Variants in MTHFD2L observed in about 807,000 individuals in gnomAD.
The protein encoded by MTHFD2L is methylenetetrahydrofolate dehydrogenase (NADP+ dependent) 2 like, also known as bifunctional methylenetetrahydrofolate dehydrogenase/cyclohydrolase 2, mitochondrial.
In MTHFD2L, 29 loss-of-function variants were observed where a neutral mutation model predicts 34.9. That is an observed-to-expected ratio of 0.83 (90% CI 0.62 to 1.13). MTHFD2L has a LOEUF of 1.13. MTHFD2L is among the 50% of genes most tolerant of loss of function. The probability of loss-of-function intolerance (pLI) is 0.00; values close to 1 mark genes in which losing one functional copy is unlikely to be tolerated. For missense variants in MTHFD2L, 481 were observed against 446.5 expected (o/e 1.08, Z -0.70); for synonymous variants, 167 against 155.7 (o/e 1.07, Z -0.54).
intron 1 of MTHFD2L, among the ~76,000 whole-genome samples, chr4:74,165,573 G>GTC (rs1166002346): frequency 6.6e-6 from 1 of 152,088 alleles, no homozygotes; most frequent in Non-Finnish European, 1.5e-5. Flanking sequence ...GGTCAGGCTG[G>GTC]TCTTGAACTC....
chr4:74,293,467 T>G, intron 7 of MTHFD2L: 1 of 938,232 alleles, frequency 1.1e-6, no homozygotes, highest in Non-Finnish European at 1.3e-6. Context: ...AATAATCCTC[T>G]CTATTTCATT....
intron 5 of MTHFD2L, among the ~76,000 whole-genome samples, chr4:74,206,658 T>C (rs1468813532): frequency 6.6e-6 from 1 of 152,140 alleles, no homozygotes; most frequent in African/African-American, 2.4e-5. Context: ...TTTTTTTTTT[T>C]ACTTATTTGT....
intron 1 of MTHFD2L, chr4:74,161,966 A>C (rs1725553143): frequency 6.6e-6 from 1 of 152,238 alleles, no homozygotes; most frequent in South Asian, 2.1e-4. Context: ...TGAGTATGCT[A>C]AATTAAAGAA....
intron 1 of MTHFD2L, 147 bp from the exon 2 acceptor site, chr4:74,174,359 A>G (rs566768077): frequency 2.2e-6 from 1 of 449,298 alleles, no homozygotes; most frequent in Admixed American, 4.3e-5. Context: ...TATGAACCTG[A>G]AGAGTAGGTG....
At chr4:74,202,954 T>C (rs531577460) in intron 5 of MTHFD2L, among the ~76,000 whole-genome samples, 103 of 152,128 alleles carry the variant, frequency 6.8e-4, no homozygotes, top group Non-Finnish European at 1.2e-3. Flanking sequence ...AGTTTCCTGA[T>C]CTCAAACTTT....
At chr4:74,151,094 C>T (rs555456159) in intron 1 of MTHFD2L, among the ~76,000 whole-genome samples, 4 of 152,012 alleles carry the variant, frequency 2.6e-5, no homozygotes, top group Admixed American at 2.0e-4. Context: ...TATATATTGA[C>T]ATGTATATAG....
At chr4:74,245,977 C>A (rs991785291) in intron 6 of MTHFD2L, among the ~76,000 whole-genome samples, 1 of 148,552 alleles carries the variant, frequency 6.7e-6, no homozygotes, top group Non-Finnish European at 1.5e-5. Flanking sequence ...ATTTATAGTC[C>A]TTTGGGTATA....
At chr4:74,145,880 A>AT (rs1246186342) in intron 1 of MTHFD2L, among the ~76,000 whole-genome samples, 2 of 152,150 alleles carry the variant, frequency 1.3e-5, no homozygotes, top group Non-Finnish European at 2.9e-5. Flanking sequence ...GCCTTCCACC[A>AT]TAAGTAAATG....
intron 6 of MTHFD2L, among the ~76,000 whole-genome samples, chr4:74,240,996 CAG>C (rs747557531): frequency 1.2e-4 from 18 of 151,930 alleles, no homozygotes; most frequent in African/African-American, 3.4e-4. Flanking sequence ...TTTAAAAAGA[CAG>C]GGGAGACTGG....
At chr4:74,296,658 A>G (rs1749673630) in intron 7 of MTHFD2L, among the ~76,000 whole-genome samples, 2 of 152,110 alleles carry the variant, frequency 1.3e-5, no homozygotes, top group South Asian at 2.1e-4. Context: ...TTATATGTAT[A>G]ACATTCCTTT....
At chr4:74,147,763 T>C (rs1723683836) in intron 1 of MTHFD2L, among the ~76,000 whole-genome samples, 1 of 152,220 alleles carries the variant, frequency 6.6e-6, no homozygotes, top group African/African-American at 2.4e-5. Flanking sequence ...TGGATTTGCA[T>C]TTCCTTAATA....
At chr4:74,262,002 A>G (rs1029728965) in intron 6 of MTHFD2L, among the ~76,000 whole-genome samples, 1 of 151,944 alleles carries the variant, frequency 6.6e-6, no homozygotes, top group African/African-American at 2.4e-5. Context: ...GTCTCAAATC[A>G]TATTATAAAG....
intron 6 of MTHFD2L, among the ~76,000 whole-genome samples, chr4:74,244,990 C>T (rs993278336): frequency 2.0e-5 from 3 of 151,748 alleles, no homozygotes; most frequent in African/African-American, 4.8e-5. Context: ...GTCAAGAGCT[C>T]GAGACCATCC....
intron 6 of MTHFD2L, among the ~76,000 whole-genome samples, chr4:74,227,092 G>A (rs1739286327): frequency 6.6e-6 from 1 of 152,034 alleles, no homozygotes; most frequent in African/African-American, 2.4e-5. Flanking sequence ...CCTCACCTGT[G>A]TTCCTCTGAC....
intron 6 of MTHFD2L, among the ~76,000 whole-genome samples, chr4:74,231,061 C>T (rs1038148830): frequency 2.0e-5 from 3 of 152,046 alleles, no homozygotes; most frequent in South Asian, 2.1e-4. Flanking sequence ...TCCAGCATGA[C>T]GAATGAACCT....
At chr4:74,282,885 T>A (rs951137585) in intron 7 of MTHFD2L, among the ~76,000 whole-genome samples, 1 of 152,144 alleles carries the variant, frequency 6.6e-6, no homozygotes, top group Admixed American at 6.6e-5. Context: ...CTGAAATCAC[T>A]AGGGAATGAC....
intron 6 of MTHFD2L, among the ~76,000 whole-genome samples, chr4:74,238,296 C>A (rs1741150369): frequency 6.6e-6 from 1 of 152,108 alleles, no homozygotes; most frequent in Non-Finnish European, 1.5e-5. Flanking sequence ...TGGTATATAT[C>A]TGTGGTGCGT....
chr4:74,293,439 T>C, intron 7 of MTHFD2L: 1 of 764,142 alleles, frequency 1.3e-6, no homozygotes, highest in Non-Finnish European at 1.6e-6. Context: ...AGTAAATACA[T>C]TTCTACCACA....
At chr4:74,157,381 G>T, upstream of MTHFD2L, 1 of 291,532 alleles carries the variant, frequency 3.4e-6, no homozygotes. Flanking sequence ...TGTTTTTTGT[G>T]TGTCTGTCTT....
Sources: allele counts gnomAD v4.1 joint callset (sites outside exome capture counted in the v4.1 genomes callset), GRCh38; gene constraint gnomAD v4.1.1; transcripts MANE v1.5; gene names NCBI Gene and HGNC (gene_info 2026-07-23, HGNC 2026-07-21).